Variants in RNF24 observed in about 807,000 individuals in gnomAD.
RNF24 encodes the protein ring finger protein 24.
RNF24 carries 14 observed loss-of-function variants against 20.0 expected under a neutral mutation model. That is an observed-to-expected ratio of 0.70 (90% confidence interval 0.46 to 1.10). The LOEUF (loss-of-function observed/expected upper bound fraction) is 1.10, where lower values mean the gene tolerates loss of function less well. Ranked by LOEUF, RNF24 falls within the 50% of genes least tolerant of loss-of-function variation. The pLI is 0.00. For missense variants in RNF24, 124 were observed against 177.6 expected, an observed-to-expected ratio of 0.70 and a Z score of 1.71; for synonymous variants, 45 against 61.1, an observed-to-expected ratio of 0.74 and a Z score of 1.23.
intron 4 of RNF24, among the ~76,000 whole-genome samples, chr20:3,943,639 A>C (rs1682988305): frequency 6.6e-6 from 1 of 152,218 alleles, no homozygotes; most frequent in Non-Finnish European, 1.5e-5. Context: ...AAAATCCAAG[A>C]CTAGATACAA....
In RNF24 at chr20:3,932,204, A is replaced by G. The variant is rs1351224973; in HGVS notation, c.*1859T>C. The G allele has an allele frequency of 6.6e-6, 1 of 152,194 alleles. No individual in the cohort carries two copies. The highest frequency in any genetic ancestry group is 6.5e-5 in the Admixed American group (1 of 15,286). 9.4% of individuals were successfully genotyped at this position (152,194 alleles called of 1,614,324 possible). A position where few individuals can be genotyped will look rare whatever the true frequency, so the allele number is the denominator to read the frequency against. On this transcript the variant is annotated 3_prime_UTR_variant, in exon 6 of 6. Transcript: ENST00000358395. ...CCTCCTTCTGATATTGGTCACTGAA[A>G]ACAGCTCACTATAAACGGGGTGTTT...
intron 1 of RNF24, among the ~76,000 whole-genome samples, chr20:4,002,221 T>A (rs1981463029): frequency 6.6e-6 from 1 of 151,512 alleles, no homozygotes; most frequent in African/African-American, 2.4e-5. Flanking sequence ...CCGTCTCTAC[T>A]AAAAATATAA....
At chr20:3,987,228 G>A (rs1309564266) in intron 1 of RNF24, among the ~76,000 whole-genome samples, 1 of 152,156 alleles carries the variant, frequency 6.6e-6, no homozygotes, top group African/African-American at 2.4e-5. Flanking sequence ...TGAAATAGAA[G>A]ACAAGTTATA....
chr20:3,993,137 G>GACT (rs1568658781), intron 1 of RNF24, among the ~76,000 whole-genome samples: 1 of 152,068 alleles, frequency 6.6e-6, no homozygotes, highest in Admixed American at 6.6e-5. Flanking sequence ...TAGAGTTTGT[G>GACT]ACTAGGTTGT....
chr20:3,972,575 G>T (rs1393130813), intron 1 of RNF24, among the ~76,000 whole-genome samples: 2 of 152,166 alleles, frequency 1.3e-5, no homozygotes, highest in African/African-American at 4.8e-5. Context: ...GGTCTTAAAA[G>T]AAATTTTTAA....
At chr20:3,998,574 C>CAAAAAAAA (rs34012774) in intron 1 of RNF24, among the ~76,000 whole-genome samples, 3 of 31,342 alleles carry the variant, frequency 9.6e-5, no homozygotes, top group Non-Finnish European at 1.5e-4. Flanking sequence ...GACTCTATCT[C>CAAAAAAAA]AAAAAAAAAA....
intron 1 of RNF24, among the ~76,000 whole-genome samples, chr20:4,003,936 C>T (rs139587632): frequency 0.01 from 1,549 of 152,200 alleles, 17 homozygotes; most frequent in African/African-American, 0.035. Flanking sequence ...TGAGCCACCA[C>T]GCCTGGCCAG....
intron 2 of RNF24, among the ~76,000 whole-genome samples, chr20:3,951,170 GATGGTCTCA>G (rs2091077254): frequency 6.6e-6 from 1 of 152,166 alleles, no homozygotes; most frequent in South Asian, 2.1e-4. Context: ...TGTTAGCCAG[GATGGTCTCA>G]ATCTCCTGAC....
At chr20:3,958,622 T>A (rs1158692999) in intron 2 of RNF24, among the ~76,000 whole-genome samples, 4 of 152,188 alleles carry the variant, frequency 2.6e-5, no homozygotes, top group Non-Finnish European at 5.9e-5. Context: ...GTAGGGCATC[T>A]TTCTCACAAT....
intron 1 of RNF24, among the ~76,000 whole-genome samples, chr20:3,966,415 T>C (rs1427378957): frequency 6.7e-6 from 1 of 148,408 alleles, no homozygotes; most frequent in Non-Finnish European, 1.5e-5. Context: ...TAAAATGAGA[T>C]AGCAGATAAT....
At chr20:3,958,707 T>C (rs2091169781) in intron 2 of RNF24, among the ~76,000 whole-genome samples, 1 of 152,192 alleles carries the variant, frequency 6.6e-6, no homozygotes, top group Non-Finnish European at 1.5e-5. Flanking sequence ...AGTGGCGCAA[T>C]CTCAGCTCAA....
chr20:3,946,530 A>G (rs1272074719), intron 3 of RNF24, among the ~76,000 whole-genome samples: 2 of 151,958 alleles, frequency 1.3e-5, no homozygotes, highest in Admixed American at 1.3e-4. Flanking sequence ...CTCTACAAAA[A>G]GTACAAAAAT....
At chr20:4,007,292 T>A (rs1981947871) in intron 1 of RNF24, among the ~76,000 whole-genome samples, 1 of 152,156 alleles carries the variant, frequency 6.6e-6, no homozygotes, top group South Asian at 2.1e-4. Flanking sequence ...TCCCTTAGGG[T>A]TAGAAGTACC....
intron 1 of RNF24, among the ~76,000 whole-genome samples, chr20:4,005,160 AG>A (rs148557124): frequency 0.69 from 104,858 of 152,016 alleles, 36,509 homozygotes; most frequent in South Asian, 0.81. Context: ...AAACCTGAAC[AG>A]GTTACTTCTT....
At chr20:4,002,243 C>G (rs974094228) in intron 1 of RNF24, among the ~76,000 whole-genome samples, 6 of 151,496 alleles carry the variant, frequency 4.0e-5, no homozygotes, top group Admixed American at 3.9e-4. Context: ...AAAATTAGCC[C>G]GGCGTGGTGG....
intron 1 of RNF24, among the ~76,000 whole-genome samples, chr20:3,987,483 C>G (rs1396430273): frequency 6.6e-6 from 1 of 152,164 alleles, no homozygotes; most frequent in Admixed American, 6.5e-5. Flanking sequence ...AAACTATCCT[C>G]TAATTATCTG....
intron 1 of RNF24, among the ~76,000 whole-genome samples, chr20:3,991,759 G>C (rs978088643): frequency 2.6e-5 from 4 of 151,926 alleles, no homozygotes; most frequent in African/African-American, 9.7e-5. Context: ...GCTTAGATAA[G>C]GTAATCATTT....
intron 1 of RNF24, among the ~76,000 whole-genome samples, chr20:4,001,951 A>G (rs1981429810): frequency 6.6e-6 from 1 of 151,616 alleles, no homozygotes; most frequent in African/African-American, 2.4e-5. Context: ...CCTCTTAAAA[A>G]AACAAACAAA....
At chr20:3,988,151 C>T (rs1980095341) in intron 1 of RNF24, among the ~76,000 whole-genome samples, 2 of 151,862 alleles carry the variant, frequency 1.3e-5, no homozygotes, top group African/African-American at 2.4e-5. Context: ...GGCAAGACTC[C>T]GTCTCTACAA....
Sources: allele counts gnomAD v4.1 joint callset (sites outside exome capture counted in the v4.1 genomes callset), GRCh38; gene constraint gnomAD v4.1.1; transcripts MANE v1.5; gene names NCBI Gene and HGNC (gene_info 2026-07-23, HGNC 2026-07-21).